Variants in XIRP2 observed in about 807,000 individuals in gnomAD.
The protein encoded by XIRP2 is xin actin-binding repeat-containing protein 2.
XIRP2 carries 236 observed loss-of-function variants against 277.0 expected under a neutral mutation model. The observed-to-expected ratio is 0.85, with a 90% CI of 0.77 to 0.95. XIRP2 has a LOEUF of 0.95. Ranked by LOEUF, XIRP2 falls within the 40% of genes least tolerant of loss-of-function variation. The pLI is 0.00. For missense variants in XIRP2, 4,640 were observed against 4,157.5 expected (o/e 1.12, Z -3.19); for synonymous variants, 1,490 against 1,416.5 (o/e 1.05, Z -1.17).
chr2:166,913,531 C>T (rs1192497639), intron 2 of XIRP2, among the ~76,000 whole-genome samples: 1 of 152,148 alleles, frequency 6.6e-6, no homozygotes, highest in Non-Finnish European at 1.5e-5. Context: ...CATCTTGGAA[C>T]CGCCCCAGGT....
At chr2:167,155,958 C>A (rs1443129318) in intron 3 of XIRP2, among the ~76,000 whole-genome samples, 1 of 150,078 alleles carries the variant, frequency 6.7e-6, no homozygotes, top group East Asian at 1.9e-4. Flanking sequence ...CAATAACAGA[C>A]AAACAGAGAG....
chr2:167,225,896 CAAT>C (rs1694584083), intron 5 of XIRP2, among the ~76,000 whole-genome samples: 1 of 152,074 alleles, frequency 6.6e-6, no homozygotes, highest in Non-Finnish European at 1.5e-5. Flanking sequence ...GAAAAGAACA[CAAT>C]AAGATTAACT....
chr2:167,060,929 G>T, intron 2 of XIRP2, among the ~76,000 whole-genome samples: 1 of 151,986 alleles, frequency 6.6e-6, no homozygotes, highest in East Asian at 1.9e-4. Context: ...ATTTTCATGA[G>T]ATTGCATTGA....
At chr2:166,934,036 A>G (rs1325125208) in intron 2 of XIRP2, among the ~76,000 whole-genome samples, 1 of 152,042 alleles carries the variant, frequency 6.6e-6, no homozygotes, top group Non-Finnish European at 1.5e-5. Flanking sequence ...GATAGACCTT[A>G]AAGTGACCTC....
At position 167,072,272 on chromosome 2, in the gene XIRP2, G is replaced by C. The variant is rs545533520; in HGVS notation, c.409-63637G>C. On this transcript the variant is annotated intron_variant, in intron 2 of 10. Coordinates refer to ENST00000409195, the MANE Select transcript of XIRP2 (RefSeq NM_152381.6). Reference sequence around the variant, plus strand: ...TGTTTTCTATATGGAATATTTTATGGGAGGGTATATATAGAAAACAGTGAT... The same window carrying C: ...TGTTTTCTATATGGAATATTTTATGCGAGGGTATATATAGAAAACAGTGAT... Among the ~76,000 whole-genome samples the C allele has an allele frequency of 9.2e-5, 14 of 152,076 alleles. No homozygotes were observed. The East Asian group carries it at 2.7e-3, about 29-fold the overall frequency.
chr2:167,089,308 C>T (rs1379183470), intron 2 of XIRP2, among the ~76,000 whole-genome samples: 1 of 152,020 alleles, frequency 6.6e-6, no homozygotes, highest in Non-Finnish European at 1.5e-5. Flanking sequence ...GCTACTCTAC[C>T]TAATTTCAAA....
chr2:167,164,115 G>C (rs547417981), intron 3 of XIRP2, among the ~76,000 whole-genome samples: 1 of 152,148 alleles, frequency 6.6e-6, no homozygotes, highest in Non-Finnish European at 1.5e-5. Context: ...AGTGCCAAAA[G>C]AATATATTGT....
chr2:166,930,649 A>T (rs1261948546), intron 2 of XIRP2, among the ~76,000 whole-genome samples: 1 of 152,186 alleles, frequency 6.6e-6, no homozygotes, highest in South Asian at 2.1e-4. Flanking sequence ...TTCCTGATTG[A>T]CACTAATATA....
rs78754484 is a variant in XIRP2 at position 167,007,680 on chromosome 2, C to G, written c.408+103790C>G. ...TACATATATCTTACCCACATGTACA[C>G]TCTCTCTCTCTCTCTCTCTCTCTCA... On this transcript the variant is annotated intron_variant, in intron 2 of 10. Transcript: ENST00000409195. Among the ~76,000 whole-genome samples the G allele has an allele frequency of 6.1e-3, 603 of 98,418 alleles. 4 individuals carry two copies. The highest frequency in any genetic ancestry group is 0.031 in the African/African-American group (554 of 17,598). The allele number at this position is 98,418 out of a possible 152,430, so 64.6% of individuals were successfully genotyped here.
chr2:167,104,207 A>G (rs1045091489), intron 2 of XIRP2, among the ~76,000 whole-genome samples: 1 of 152,098 alleles, frequency 6.6e-6, no homozygotes. Context: ...TGGAATGATC[A>G]TATTTTTTGC....
At chr2:167,214,505 A>T (rs554907357) in intron 4 of XIRP2, among the ~76,000 whole-genome samples, 1 of 148,972 alleles carries the variant, frequency 6.7e-6, no homozygotes, top group African/African-American at 2.5e-5. Context: ...AATCAACTGT[A>T]TGAATTTTTG....
intron 2 of XIRP2, among the ~76,000 whole-genome samples, chr2:167,050,977 C>T (rs1688899072): frequency 6.6e-6 from 1 of 151,952 alleles, no homozygotes; most frequent in South Asian, 2.1e-4. Flanking sequence ...AAGCTTTTAC[C>T]TGGACTAAAT....
At chr2:167,198,617 A>T (rs1016174092) in intron 3 of XIRP2, among the ~76,000 whole-genome samples, 1 of 152,216 alleles carries the variant, frequency 6.6e-6, no homozygotes, top group African/African-American at 2.4e-5. Flanking sequence ...GTTCCTACTC[A>T]AGATGAAGTA....
In XIRP2 at chr2:167,012,554, G is replaced by A. The variant is rs1226866101; in HGVS notation, c.408+108664G>A. On this transcript the variant is annotated intron_variant, in intron 2 of 10. Coordinates refer to ENST00000409195, the MANE Select transcript of XIRP2 (RefSeq NM_152381.6). ...GGTACACATAATCATCTACACTTAA[G>A]AGCCTTTCTTTCTAGATTTAAAGTT... Among the ~76,000 whole-genome samples the A allele has an allele frequency of 2.0e-5, 3 of 151,588 alleles. No homozygotes were observed. In the South Asian group the frequency reaches 6.2e-4, roughly 31 times the overall value.
At chr2:166,932,945 A>G (rs1433963510) in intron 2 of XIRP2, among the ~76,000 whole-genome samples, 2 of 152,140 alleles carry the variant, frequency 1.3e-5, no homozygotes, top group Non-Finnish European at 2.9e-5. Context: ...TCATTATTGT[A>G]GCTTTGTAAT....
intron 2 of XIRP2, among the ~76,000 whole-genome samples, chr2:167,077,378 A>G (rs999748832): frequency 4.6e-5 from 7 of 152,094 alleles, no homozygotes; most frequent in Admixed American, 4.6e-4. Flanking sequence ...TCAACAAATA[A>G]TTTTTAAGAA....
chr2:167,123,294 A>G (rs1480724494), intron 2 of XIRP2, among the ~76,000 whole-genome samples: 1 of 152,174 alleles, frequency 6.6e-6, no homozygotes, highest in East Asian at 1.9e-4. Context: ...GTGCAGAGTC[A>G]GTGACCGTTA....
intron 2 of XIRP2, among the ~76,000 whole-genome samples, chr2:167,026,839 C>T (rs1362891173): frequency 6.6e-6 from 1 of 152,056 alleles, no homozygotes. Context: ...TGTTGGCCCC[C>T]ACTCTTCTGA....
rs543059257 is a variant in XIRP2, at chr2:167,003,015, G to GT, written c.408+99128dup. On this transcript the variant is annotated intron_variant, in intron 2 of 10. Transcript: ENST00000409195. The stretch of plus-strand genomic sequence containing the variant: ...ATTACTCAGAACCATCATTTCTTAT[G>GT]TTTCTCTTATTGAACAATTTATAAA... Among the ~76,000 whole-genome samples the GT allele has an allele frequency of 8.6e-4, 131 of 151,900 alleles. 1 individual carries two copies. Among genetic ancestry groups the GT allele is most frequent in the African/African-American group, 3.0e-3 (125 of 41,524 alleles).
Sources: gnomAD v4.1 joint callset for allele counts (sites outside exome capture counted in the v4.1 genomes callset) on GRCh38, gnomAD v4.1.1 for gene constraint, MANE v1.5 for transcripts, NCBI Gene and HGNC (gene_info 2026-07-23, HGNC 2026-07-21) for gene names.